IGF1R: variants seen among roughly 807,000 people sequenced by gnomAD.
The protein encoded by IGF1R is insulin-like growth factor 1 receptor.
In IGF1R, 44 loss-of-function variants were observed where a neutral mutation model predicts 144.6. That is an observed-to-expected ratio of 0.30 (90% CI 0.24 to 0.39). The LOEUF is 0.39. Among genes scored for constraint, IGF1R ranks in the 10% least tolerant of loss-of-function variants. The pLI, the probability that IGF1R is intolerant of heterozygous loss-of-function variation, is 1.00. For missense variants in IGF1R, 1,355 were observed against 1,833.7 expected (o/e 0.74, Z 4.77); for synonymous variants, 795 against 722.8 (o/e 1.10, Z -1.60).
At chr15:98,677,021 C>T (rs1223001992) in intron 1 of IGF1R, among the ~76,000 whole-genome samples, 1 of 152,106 alleles carries the variant, frequency 6.6e-6, no homozygotes, top group Admixed American at 6.5e-5. Context: ...CTGCAGCCTT[C>T]AGCTCCTAGG....
intron 8 of IGF1R, 82 bp downstream of exon 8, chr15:98,913,364 G>C (rs575809941): frequency 1.9e-5 from 20 of 1,047,874 alleles, no homozygotes; most frequent in Non-Finnish European, 3.0e-5. Context: ...GTCATTGTAG[G>C]GTTAGCAGTG....
In IGF1R at chr15:98,891,602, G is replaced by A; in HGVS notation, c.918G>A (p.Glu306=). ...TCCACGACGGCGAGTGCATGCAGGAGTGCCCCTCGGGCTTCATCCGCAACG... is the reference window on the plus strand; with the variant it reads ...TCCACGACGGCGAGTGCATGCAGGAATGCCCCTCGGGCTTCATCCGCAACG... The part of the protein sequence containing the change: ...FVIHDGECMQ[E]CPSGFIRNGS... Residue 306 remains glutamate, a synonymous_variant, in exon 3 of 21, where the codon GAG becomes GAA. Coordinates refer to ENST00000650285, the MANE Select transcript of IGF1R (RefSeq NM_000875.5). The surrounding 1 kb of genome is among the most constrained non-coding windows in gnomAD (Gnocchi z 4.7). 1 of 1,602,942 alleles carries A rather than the reference G, an allele frequency of 6.2e-7. No homozygotes were observed. The highest frequency in any genetic ancestry group is 8.5e-7 in the Non-Finnish European group (1 of 1,179,966).
At chr15:98,715,200 C>T (rs922323444) in intron 2 of IGF1R, among the ~76,000 whole-genome samples, 7 of 152,258 alleles carry the variant, frequency 4.6e-5, no homozygotes, top group Admixed American at 6.5e-5. Flanking sequence ...CGCTTGTTGC[C>T]GAGATGGTGA....
In IGF1R at chr15:98,959,854, T is replaced by TAA. The variant is rs398028512; in HGVS notation, c.*2425_*2426dup. ...TCTCTATCCCATAGCGTGTTCCCTTTAAAAAAAAAAAAAAGGTATTATATG... is the reference window on the plus strand; with the variant it reads ...TCTCTATCCCATAGCGTGTTCCCTTTAAAAAAAAAAAAAAAAGGTATTATATG... On this transcript the variant is annotated 3_prime_UTR_variant, in exon 21 of 21. Coordinates refer to ENST00000650285, the MANE Select transcript of IGF1R (RefSeq NM_000875.5). 366 of 217,716 alleles carry TAA rather than the reference T, an allele frequency of 1.7e-3. No individual in the cohort carries two copies. The highest frequency in any genetic ancestry group is 7.0e-3 in the Middle Eastern group (5 of 714). 13.5% of individuals were successfully genotyped at this position (217,716 alleles called of 1,614,324 possible). A position where few individuals can be genotyped will look rare whatever the true frequency, so the allele number is the denominator to read the frequency against.
rs1343146145 is a variant in IGF1R at position 98,663,475 on chromosome 15, TA to T, written c.94+13801del. 3.9e-5 allele frequency among the ~76,000 whole-genome samples: 6 copies of T among 152,284 alleles called. No individual in the cohort carries two copies. The East Asian group carries it at 7.7e-4, about 20-fold the overall frequency. Reference sequence around the variant, plus strand: ...AAAGTGGAGGAACTGTCACCTTTATTAGGGGCATCATGGATACCTGGTAGCA... The same window carrying T: ...AAAGTGGAGGAACTGTCACCTTTATTGGGGCATCATGGATACCTGGTAGCA... On this transcript the variant is annotated intron_variant, in intron 1 of 20. Transcript: ENST00000650285.
rs1205870523 is a variant in IGF1R at position 98,707,353 on chromosome 15, G to T, written c.95-209G>T. Among the ~76,000 whole-genome samples the T allele has an allele frequency of 1.3e-5, 2 of 152,160 alleles. No individual in the cohort carries two copies. Among genetic ancestry groups the T allele is most frequent in the Non-Finnish European group, 1.5e-5 (1 of 68,028 alleles). On this transcript the variant is annotated intron_variant, in intron 1 of 20. Coordinates refer to ENST00000650285, the MANE Select transcript of IGF1R (RefSeq NM_000875.5). This position sits in a 1 kb window ranked among gnomAD's most constrained non-coding sequence, Gnocchi z 6.7. ...GGTTGGAGTGTGTTGCACAGCGTCTGGTCCAGTGTTGGCACTGTATAAATG... is the reference window on the plus strand; with the variant it reads ...GGTTGGAGTGTGTTGCACAGCGTCTTGTCCAGTGTTGGCACTGTATAAATG...
intron 5 of IGF1R, among the ~76,000 whole-genome samples, chr15:98,904,239 A>T (rs2014622802): frequency 6.6e-6 from 1 of 151,978 alleles, no homozygotes; most frequent in African/African-American, 2.4e-5. Flanking sequence ...TTTTTAGTAG[A>T]GACGGGGTTT....
chr15:98,698,432 ACT>A (rs903669208), intron 1 of IGF1R, among the ~76,000 whole-genome samples: 1 of 151,842 alleles, frequency 6.6e-6, no homozygotes, highest in Admixed American at 6.6e-5. Flanking sequence ...AAAAACGGAA[ACT>A]CTGTACCCAT....
chr15:98,759,339 G>C (rs1424897682), intron 2 of IGF1R, among the ~76,000 whole-genome samples: 1 of 152,168 alleles, frequency 6.6e-6, no homozygotes, highest in Non-Finnish European at 1.5e-5. Context: ...TTAAACCTGT[G>C]TATGTCTGTT....
intron 2 of IGF1R, among the ~76,000 whole-genome samples, chr15:98,798,202 G>A (rs781600017): frequency 8.5e-5 from 13 of 152,168 alleles, no homozygotes; most frequent in Non-Finnish European, 1.6e-4. Flanking sequence ...TAGGTGTGGG[G>A]TACAGGGTAC....
intron 20 of IGF1R, among the ~76,000 whole-genome samples, chr15:98,949,179 C>A (rs989315055): frequency 1.3e-5 from 2 of 152,168 alleles, no homozygotes. Context: ...CCGGCATGCA[C>A]CACGTAGGGT....
At chr15:98,766,187 T>C (rs1179389394) in intron 2 of IGF1R, among the ~76,000 whole-genome samples, 2 of 152,196 alleles carry the variant, frequency 1.3e-5, no homozygotes, top group Non-Finnish European at 2.9e-5. Flanking sequence ...AGGTTTTTCA[T>C]TGAATCAGAA....
At chr15:98,815,187 A>ACTT (rs1185820325) in intron 2 of IGF1R, among the ~76,000 whole-genome samples, 1 of 152,266 alleles carries the variant, frequency 6.6e-6, no homozygotes, top group Non-Finnish European at 1.5e-5. Flanking sequence ...AATCACCAGC[A>ACTT]TAAGATGTTG....
At chr15:98,747,005 C>G (rs190029592) in intron 2 of IGF1R, among the ~76,000 whole-genome samples, 10 of 152,114 alleles carry the variant, frequency 6.6e-5, no homozygotes, top group African/African-American at 2.2e-4. Flanking sequence ...TCACCAGGTG[C>G]GTGGATCGCT....
At chr15:98,916,279 T>G (rs905401688) in intron 9 of IGF1R, 148 bp downstream of exon 9, 4 of 760,746 alleles carry the variant, frequency 5.3e-6, no homozygotes, top group Non-Finnish European at 8.4e-6. Flanking sequence ...TTTTTTTTTT[T>G]GAGACAGAGT....
rs1567152853 is a variant in IGF1R, at chr15:98,835,106, C to CCCCCCT, written c.641-56219_641-56218insCCCCCT. Among the ~76,000 whole-genome samples, 7 of 149,660 alleles carry CCCCCCT rather than the reference C, an allele frequency of 4.7e-5. No homozygotes were observed. In the South Asian group the frequency reaches 1.1e-3, roughly 23 times the overall value. On this transcript the variant is annotated intron_variant, in intron 2 of 20. Transcript: ENST00000650285. ...ACACACACACACACACACACACACA[C>CCCCCCT]ACACCCCTACACCCACACACACCCA...
At chr15:98,740,936 GT>G (rs2054724400) in intron 2 of IGF1R, among the ~76,000 whole-genome samples, 1 of 152,184 alleles carries the variant, frequency 6.6e-6, no homozygotes, top group South Asian at 2.1e-4. Flanking sequence ...CAAAAGTGTA[GT>G]ATTCCTCAAG....
At chr15:98,868,378 G>GA (rs1231810030) in intron 2 of IGF1R, among the ~76,000 whole-genome samples, 3 of 139,486 alleles carry the variant, frequency 2.2e-5, no homozygotes, top group African/African-American at 5.1e-5. Context: ...TTTGGGGGGG[G>GA]GGTCCTTTAG....
intron 2 of IGF1R, among the ~76,000 whole-genome samples, chr15:98,854,661 C>T (rs2011694887): frequency 6.6e-6 from 1 of 152,174 alleles, no homozygotes. Context: ...ACAACCAAAG[C>T]ATGTTTCCCT....
Sources: gnomAD v4.1 joint callset for allele counts (sites outside exome capture counted in the v4.1 genomes callset) on GRCh38, gnomAD v4.1.1 for gene constraint, Gnocchi (gnomAD v3.1) non-coding constraint, MANE v1.5 for transcripts, NCBI Gene and HGNC (gene_info 2026-07-23, HGNC 2026-07-21) for gene names.